RBFOX1: variants seen among roughly 807,000 people sequenced by gnomAD.
The protein encoded by RBFOX1 is RNA binding fox-1 homolog 1.
A neutral mutation model predicts 57.7 loss-of-function variants in RBFOX1; 8 were observed. The observed-to-expected ratio is 0.14, with a 90% CI of 0.08 to 0.25. The LOEUF (loss-of-function observed/expected upper bound fraction) is 0.25. RBFOX1 is among the 10% of genes least tolerant of loss of function. The pLI, the probability that RBFOX1 is intolerant of heterozygous loss-of-function variation, is 1.00. For synonymous variants in RBFOX1, 326 were observed against 222.4 expected (o/e 1.47, Z -4.15); for missense variants, 611 against 548.5 (o/e 1.11, Z -1.14).
chr16:7,548,850 C>T (rs1281169496), intron 5 of RBFOX1, among the ~76,000 whole-genome samples: 1 of 152,170 alleles, frequency 6.6e-6, no homozygotes, highest in Non-Finnish European at 1.5e-5. Flanking sequence ...CATGTTCCTG[C>T]CTATTAGTTA....
At chr16:6,360,403 A>G (rs2088226835) in intron 2 of RBFOX1, among the ~76,000 whole-genome samples, 1 of 152,208 alleles carries the variant, frequency 6.6e-6, no homozygotes, top group South Asian at 2.1e-4. Flanking sequence ...ATTTATTGAG[A>G]TGATTTTAAC....
chr16:7,285,213 C>T (rs192701559), intron 4 of RBFOX1, among the ~76,000 whole-genome samples: 46 of 149,450 alleles, frequency 3.1e-4, no homozygotes, highest in Non-Finnish European at 3.0e-5. Context: ...TGCAGATTCA[C>T]ATGCAGCTGT....
intron 4 of RBFOX1, among the ~76,000 whole-genome samples, chr16:5,989,859 CA>C (rs2060358724): frequency 7.1e-6 from 1 of 140,916 alleles, no homozygotes; most frequent in African/African-American, 2.7e-5. Context: ...CACACACACA[CA>C]CACACACACA....
intron 1 of RBFOX1, among the ~76,000 whole-genome samples, chr16:6,161,256 G>A (rs188716464): frequency 1.3e-5 from 2 of 152,146 alleles, no homozygotes; most frequent in Admixed American, 1.3e-4. Context: ...TGGCATGGTG[G>A]TGCACGCCTG....
At chr16:5,625,638 A>G (rs1462835901) in intron 3 of RBFOX1, among the ~76,000 whole-genome samples, 4 of 150,886 alleles carry the variant, frequency 2.7e-5, no homozygotes, top group African/African-American at 7.3e-5. Context: ...GCTTACTGCA[A>G]CCTCCGCCTC....
chr16:6,000,892 G>C (rs1266147722), intron 4 of RBFOX1, among the ~76,000 whole-genome samples: 2 of 142,744 alleles, frequency 1.4e-5, no homozygotes, highest in African/African-American at 2.6e-5. Context: ...TGGATAGGTA[G>C]GTAGGTGGGT....
At chr16:7,537,818 T>G (rs543206484) in intron 5 of RBFOX1, among the ~76,000 whole-genome samples, 1 of 152,332 alleles carries the variant, frequency 6.6e-6, no homozygotes, top group Admixed American at 6.5e-5. Flanking sequence ...CTAGAGCCTT[T>G]GAAAATTATG....
At chr16:5,295,966 T>G (rs189076218) in intron 1 of RBFOX1, among the ~76,000 whole-genome samples, 1 of 152,242 alleles carries the variant, frequency 6.6e-6, no homozygotes, top group Admixed American at 6.5e-5. Context: ...AAGGACTTCA[T>G]AAATATTAAC....
intron 3 of RBFOX1, among the ~76,000 whole-genome samples, chr16:5,847,917 G>A (rs891471597): frequency 6.6e-6 from 1 of 152,122 alleles, no homozygotes; most frequent in African/African-American, 2.4e-5. Flanking sequence ...GGACTCTAGG[G>A]ATACAGGAAT....
chr16:6,410,588 G>A (rs1567214284), intron 2 of RBFOX1, among the ~76,000 whole-genome samples: 1 of 152,110 alleles, frequency 6.6e-6, no homozygotes, highest in Non-Finnish European at 1.5e-5. Context: ...TGGGATTACA[G>A]GTGTGAGCCA....
intron 4 of RBFOX1, among the ~76,000 whole-genome samples, chr16:7,364,062 C>A (rs2097385307): frequency 6.6e-6 from 1 of 152,182 alleles, no homozygotes; most frequent in African/African-American, 2.4e-5. Context: ...CTTTGGGACT[C>A]CCAAGTCCTA....
At chr16:5,687,381 C>G (rs1266843895) in intron 3 of RBFOX1, among the ~76,000 whole-genome samples, 2 of 152,126 alleles carry the variant, frequency 1.3e-5, no homozygotes, top group African/African-American at 4.8e-5. Context: ...GGGTAGCCAA[C>G]TTTGGGCCCG....
At chr16:7,538,024 T>C (rs1331976782) in intron 5 of RBFOX1, among the ~76,000 whole-genome samples, 1 of 152,160 alleles carries the variant, frequency 6.6e-6, no homozygotes, top group East Asian at 1.9e-4. Context: ...GAGTCAGACA[T>C]TGTCTGTGCC....
chr16:5,943,213 A>T (rs950822532), intron 4 of RBFOX1, among the ~76,000 whole-genome samples: 17 of 152,166 alleles, frequency 1.1e-4, no homozygotes, highest in Admixed American at 9.2e-4. Context: ...CTGCATTCAC[A>T]TCATCTGGGA....
At chr16:6,126,384 C>T (rs752731475) in intron 1 of RBFOX1, among the ~76,000 whole-genome samples, 7 of 152,140 alleles carry the variant, frequency 4.6e-5, no homozygotes, top group Non-Finnish European at 8.8e-5. Flanking sequence ...GCATTGAATG[C>T]GCACTATGTG....
intron 4 of RBFOX1, among the ~76,000 whole-genome samples, chr16:7,383,839 A>G (rs35228564): frequency 0.17 from 25,978 of 152,034 alleles, 3,440 homozygotes; most frequent in African/African-American, 0.38. Flanking sequence ...GGCAGATCAC[A>G]AGGTCAGAAG....
intron 4 of RBFOX1, among the ~76,000 whole-genome samples, chr16:7,467,523 G>C (rs1599151191): frequency 6.6e-6 from 1 of 152,172 alleles, no homozygotes; most frequent in African/African-American, 2.4e-5. Flanking sequence ...TAATGGGTGA[G>C]AACATGGATT....
Position 5,325,394 on chromosome 16 carries a change from T to A in RBFOX1, c.219+85289T>A, listed in dbSNP as rs1229278376. Among the ~76,000 whole-genome samples, 3 of 152,216 alleles carry A rather than the reference T, an allele frequency of 2.0e-5. No homozygotes were observed. In the East Asian group the frequency reaches 5.8e-4, roughly 29 times the overall value. ...CTGCACAGTTGTGTGAAAACTAAAT[T>A]TAGTTCAATCCAGTAAATTTTCTAC... On this transcript the variant is annotated intron_variant, in intron 1 of 2. Transcript: ENST00000585867.
chr16:6,587,147 AT>A (rs993628526), intron 2 of RBFOX1, among the ~76,000 whole-genome samples: 1 of 151,770 alleles, frequency 6.6e-6, no homozygotes, highest in Admixed American at 6.6e-5. Context: ...ATCTAACTGA[AT>A]TTTTTTTATC....
Sources: allele counts gnomAD v4.1 joint callset (sites outside exome capture counted in the v4.1 genomes callset), GRCh38; gene constraint gnomAD v4.1.1; transcripts MANE v1.5; gene names NCBI Gene and HGNC (gene_info 2026-07-23, HGNC 2026-07-21).